DCDC2C: variants seen among roughly 807,000 people sequenced by gnomAD.
The protein encoded by DCDC2C is doublecortin domain-containing protein 2C.
In DCDC2C, 44 loss-of-function variants were observed where a neutral mutation model predicts 45.0. The observed-to-expected ratio is 0.98, with a 90% CI of 0.77 to 1.26. The LOEUF (loss-of-function observed/expected upper bound fraction) is 1.26, where lower values mean the gene tolerates loss of function less well. Ranked by LOEUF, DCDC2C falls within the 50% of genes most tolerant of loss-of-function variation. The pLI is 0.00. For missense variants in DCDC2C, 447 were observed against 468.9 expected (o/e 0.95, Z 0.43); for synonymous variants, 187 against 178.8 (o/e 1.05, Z -0.37).
chr2:3,827,737 T>C (rs1361409331), intron 10 of DCDC2C, among the ~76,000 whole-genome samples: 1 of 152,112 alleles, frequency 6.6e-6, no homozygotes, highest in Admixed American at 6.6e-5. Context: ...TTTTTCTGCT[T>C]TCAAGAAAAG....
At chr2:3,746,615 T>C (rs911500138) in intron 4 of DCDC2C, among the ~76,000 whole-genome samples, 20 of 152,214 alleles carry the variant, frequency 1.3e-4, no homozygotes, top group African/African-American at 4.8e-4. Flanking sequence ...GTATATACTC[T>C]GCACCGTACA....
chr2:3,769,511 C>T, intron 8 of DCDC2C, 100 bp downstream of exon 8: 1 of 1,057,968 alleles, frequency 9.5e-7, no homozygotes, highest in Non-Finnish European at 1.4e-6. Flanking sequence ...CAAATTCTCT[C>T]TGGACTCTAG....
intron 1 of DCDC2C, among the ~76,000 whole-genome samples, chr2:3,707,508 G>A (rs1010299772): frequency 6.6e-6 from 1 of 152,212 alleles, no homozygotes; most frequent in Non-Finnish European, 1.5e-5. Flanking sequence ...GTTTTGTTCA[G>A]TTCATACAAT....
chr2:3,752,986 A>G lies in DCDC2C; in HGVS notation c.683+86A>G, dbSNP rs1318882426. 7.3e-6 allele frequency: 10 copies of G among 1,371,312 alleles called. No individual in the cohort carries two copies. In the Admixed American group the frequency reaches 1.3e-4, roughly 18 times the overall value. 84.9% of individuals were successfully genotyped at this position (1,371,312 alleles called of 1,614,324 possible). ...TATCTCTCCCAAATAGGTCCAGTTC[A>G]GCTATTGGTTATTTTTCAGTAGTGA... On this transcript the variant is annotated intron_variant, in intron 5 of 10. Coordinates refer to ENST00000399143, the MANE Select transcript of DCDC2C (RefSeq NM_001287444.2).
chr2:3,844,879 C>T (rs1252350206), intron 10 of DCDC2C, among the ~76,000 whole-genome samples: 2 of 152,204 alleles, frequency 1.3e-5, no homozygotes, highest in Admixed American at 6.5e-5. Flanking sequence ...GACTTAGCCA[C>T]TTTGCGAACG....
chr2:3,708,655 A>G, intron 2 of DCDC2C, 55 bp downstream of exon 2: 2 of 1,349,106 alleles, frequency 1.5e-6, no homozygotes, highest in Non-Finnish European at 2.1e-6. Flanking sequence ...ACTTGGTAAA[A>G]ATTTAAATGT....
intron 10 of DCDC2C, among the ~76,000 whole-genome samples, chr2:3,805,386 AC>A (rs1036592384): frequency 4.3e-4 from 66 of 152,288 alleles, no homozygotes; most frequent in African/African-American, 1.5e-3. Flanking sequence ...AGGAGGAAAC[AC>A]CCAGCAACTT....
intron 8 of DCDC2C, among the ~76,000 whole-genome samples, chr2:3,771,644 T>A (rs1670173223): frequency 6.6e-6 from 1 of 152,238 alleles, no homozygotes; most frequent in African/African-American, 2.4e-5. Flanking sequence ...AGGACCTCCT[T>A]CTTTCCTATG....
rs1671610528 is a variant in DCDC2C, at chr2:3,818,627, T to C, written c.1066-28527T>C. ...CGAGTGGTAACAGGCTTTAATCCTTTTAAAGCTTGCTGTGGGATGGGATAT... is the reference window on the plus strand; with the variant it reads ...CGAGTGGTAACAGGCTTTAATCCTTCTAAAGCTTGCTGTGGGATGGGATAT... On this transcript the variant is annotated intron_variant, in intron 10 of 10. Transcript: ENST00000399143. The surrounding 1 kb of genome is among the most constrained non-coding windows in gnomAD (Gnocchi z 4.7). Among the ~76,000 whole-genome samples the C allele has an allele frequency of 6.6e-6, 1 of 152,150 alleles. No individual in the cohort carries two copies. Among genetic ancestry groups the C allele is most frequent in the Non-Finnish European group, 1.5e-5 (1 of 68,020 alleles).
intron 2 of DCDC2C, among the ~76,000 whole-genome samples, chr2:3,719,766 T>A (rs1244451416): frequency 2.6e-5 from 4 of 152,224 alleles, no homozygotes; most frequent in Non-Finnish European, 5.9e-5. Flanking sequence ...ATAAGGACTG[T>A]AAGTAAGTTT....
At chr2:3,819,327 T>C (rs182682520) in intron 10 of DCDC2C, among the ~76,000 whole-genome samples, 205 of 152,362 alleles carry the variant, frequency 1.3e-3, no homozygotes, top group African/African-American at 4.5e-3. Flanking sequence ...GCTGTGGGCA[T>C]TCCTTGGCCC....
At chr2:3,769,087 G>T in intron 7 of DCDC2C, 1 of 487,394 alleles carries the variant, frequency 2.1e-6, no homozygotes, top group East Asian at 3.4e-5. Context: ...AAAAGCAGAC[G>T]GGGCTAAAAT....
At chr2:3,744,623 G>A (rs890895220) in intron 4 of DCDC2C, among the ~76,000 whole-genome samples, 1 of 152,232 alleles carries the variant, frequency 6.6e-6, no homozygotes, top group Admixed American at 6.5e-5. Context: ...AGCAGAAACA[G>A]TTAATCCTGC....
chr2:3,708,134 TG>T (rs112160075), intron 1 of DCDC2C, among the ~76,000 whole-genome samples: 11,970 of 151,908 alleles, frequency 0.079, 585 homozygotes, highest in African/African-American at 0.14. Flanking sequence ...GAGGGAGCGG[TG>T]GGGGTGCAGA....
intron 2 of DCDC2C, among the ~76,000 whole-genome samples, chr2:3,709,545 T>G (rs1389578152): frequency 1.3e-5 from 2 of 152,222 alleles, no homozygotes; most frequent in Non-Finnish European, 2.9e-5. Context: ...GTCAAATTTA[T>G]TACTTTACTC....
At chr2:3,821,348 G>A (rs112503845) in intron 10 of DCDC2C, among the ~76,000 whole-genome samples, 1 of 152,186 alleles carries the variant, frequency 6.6e-6, no homozygotes. Context: ...ACAGTTGTCT[G>A]TAAATCAAGA....
intron 3 of DCDC2C, 95 bp from the exon 4 acceptor site, chr2:3,741,824 GT>G: frequency 7.6e-7 from 1 of 1,323,298 alleles, no homozygotes; most frequent in Non-Finnish European, 1.0e-6. Context: ...GCATCTCATT[GT>G]TTTTACAGTT....
intron 2 of DCDC2C, among the ~76,000 whole-genome samples, chr2:3,710,870 C>T (rs953258296): frequency 6.6e-6 from 1 of 152,170 alleles, no homozygotes; most frequent in African/African-American, 2.4e-5. Context: ...CTAATGGGCA[C>T]AAGGTTGATT....
intron 10 of DCDC2C, chr2:3,788,621 T>C (rs2148186642): frequency 6.6e-6 from 1 of 152,328 alleles, no homozygotes; most frequent in Middle Eastern, 3.4e-3. Context: ...TTTGTAGTCA[T>C]TGATTTGTGA....
Sources: gnomAD v4.1 joint callset for allele counts (sites outside exome capture counted in the v4.1 genomes callset) on GRCh38, gnomAD v4.1.1 for gene constraint, Gnocchi (gnomAD v3.1) non-coding constraint, MANE v1.5 for transcripts, NCBI Gene and HGNC (gene_info 2026-07-23, HGNC 2026-07-21) for gene names.